STAU2: variants seen among roughly 807,000 people sequenced by gnomAD.
STAU2 encodes staufen double-stranded RNA binding protein 2, also known as double-stranded RNA-binding protein Staufen homolog 2.
A neutral mutation model predicts 65.9 loss-of-function variants in STAU2; 20 were observed. That is an observed-to-expected ratio of 0.30 (90% CI 0.21 to 0.44). The LOEUF is 0.44. Ranked by LOEUF, STAU2 falls within the 20% of genes least tolerant of loss-of-function variation. The probability of loss-of-function intolerance (pLI) is 1.00; values close to 1 mark genes in which losing one functional copy is unlikely to be tolerated. For missense variants in STAU2, 558 were observed against 683.9 expected, an observed-to-expected ratio of 0.82 and a Z score of 2.05; for synonymous variants, 232 against 233.9, an observed-to-expected ratio of 0.99 and a Z score of 0.07.
intron 13 of STAU2, among the ~76,000 whole-genome samples, chr8:73,542,863 G>T (rs1037816322): frequency 9.9e-5 from 15 of 152,100 alleles, no homozygotes; most frequent in Admixed American, 9.8e-4. Flanking sequence ...CATTAAAATA[G>T]AATCTGAAAG....
intron 5 of STAU2, among the ~76,000 whole-genome samples, chr8:73,683,439 C>T (rs1204965461): frequency 6.6e-6 from 1 of 152,046 alleles, no homozygotes; most frequent in East Asian, 1.9e-4. Flanking sequence ...TCAGCAAAAT[C>T]GGCATAGAAG....
chr8:73,574,940 A>G (rs902339320), intron 12 of STAU2, among the ~76,000 whole-genome samples: 1 of 151,578 alleles, frequency 6.6e-6, no homozygotes, highest in Non-Finnish European at 1.5e-5. Flanking sequence ...AAATAAAAAT[A>G]AAGAAATGTT....
At chr8:73,436,572 A>AT in intron 13 of STAU2, among the ~76,000 whole-genome samples, 1 of 145,618 alleles carries the variant, frequency 6.9e-6, no homozygotes, top group African/African-American at 2.6e-5. Context: ...CCAATTTTTT[A>AT]TTTATTTATT....
intron 10 of STAU2, among the ~76,000 whole-genome samples, chr8:73,601,127 A>G (rs1811602085): frequency 6.6e-6 from 1 of 152,258 alleles, no homozygotes; most frequent in South Asian, 2.1e-4. Context: ...CAGTAAATTT[A>G]AGACTGCCAA....
intron 9 of STAU2, among the ~76,000 whole-genome samples, chr8:73,611,583 T>C (rs375594912): frequency 4.9e-4 from 74 of 152,070 alleles, no homozygotes; most frequent in African/African-American, 1.8e-3. Flanking sequence ...TTAATAGCTA[T>C]AGTTAAAACA....
chr8:73,705,570 C>A, intron 4 of STAU2, among the ~76,000 whole-genome samples: 1 of 151,954 alleles, frequency 6.6e-6, no homozygotes. Context: ...TTGAGCAAAC[C>A]AAAACAATAA....
intron 12 of STAU2, among the ~76,000 whole-genome samples, chr8:73,566,047 T>C (rs368772639): frequency 3.9e-5 from 6 of 152,324 alleles, no homozygotes; most frequent in African/African-American, 1.2e-4. Flanking sequence ...CATTGGTAAA[T>C]GCACCAGACT....
rs75948812 is a variant in STAU2 at position 73,517,163 on chromosome 8, T to C, written c.1530+34849A>G. 2.6e-5 allele frequency among the ~76,000 whole-genome samples: 4 copies of C among 152,226 alleles called. No homozygotes were observed. The East Asian group carries it at 7.7e-4, about 29-fold the overall frequency. ...CAGGCATGATGGCTTATGCCTGTAA[T>C]CTCATCACTTTGGGAGCCTGAGGTG... On this transcript the variant is annotated intron_variant, in intron 13 of 14. Coordinates refer to ENST00000524300, the MANE Select transcript of STAU2 (RefSeq NM_001164380.2).
intron 13 of STAU2, among the ~76,000 whole-genome samples, chr8:73,483,865 T>C (rs530928793): frequency 1.3e-5 from 2 of 152,260 alleles, no homozygotes; most frequent in African/African-American, 4.8e-5. Context: ...GCATCTAACA[T>C]AGTGCTATAT....
At chr8:73,515,813 A>C in intron 13 of STAU2, among the ~76,000 whole-genome samples, 1 of 117,178 alleles carries the variant, frequency 8.5e-6, no homozygotes, top group Admixed American at 1.2e-4. Flanking sequence ...ACACGGTCTC[A>C]CTCTGTCACC....
At chr8:73,621,392 C>T (rs918076700) in intron 6 of STAU2, among the ~76,000 whole-genome samples, 1 of 152,184 alleles carries the variant, frequency 6.6e-6, no homozygotes, top group African/African-American at 2.4e-5. Flanking sequence ...TCAATTAAAC[C>T]TCTTTTCTTT....
chr8:73,725,124 A>G (rs551142971), intron 3 of STAU2, among the ~76,000 whole-genome samples: 1 of 152,344 alleles, frequency 6.6e-6, no homozygotes, highest in Non-Finnish European at 1.5e-5. Context: ...AATCTTTGCC[A>G]TTTAAATTGA....
At chr8:73,609,306 T>A (rs1812264296) in intron 9 of STAU2, among the ~76,000 whole-genome samples, 1 of 151,880 alleles carries the variant, frequency 6.6e-6, no homozygotes, top group Admixed American at 6.6e-5. Flanking sequence ...AAAGGAAACT[T>A]TTAGCTTTTG....
chr8:73,698,399 C>T (rs1431167006), intron 4 of STAU2, among the ~76,000 whole-genome samples: 1 of 151,978 alleles, frequency 6.6e-6, no homozygotes, highest in Admixed American at 6.6e-5. Flanking sequence ...ATCCAATGAT[C>T]TAAACACACC....
intron 12 of STAU2, among the ~76,000 whole-genome samples, chr8:73,554,913 C>G (rs917305646): frequency 5.9e-5 from 9 of 152,204 alleles, no homozygotes; most frequent in Non-Finnish European, 1.0e-4. Flanking sequence ...ATATCCAATA[C>G]TCCAGGCTGT....
chr8:73,424,199 G>GTTTTT (rs1434951406), intron 13 of STAU2, among the ~76,000 whole-genome samples: 1 of 115,404 alleles, frequency 8.7e-6, no homozygotes, highest in Admixed American at 1.0e-4. Flanking sequence ...GCTCCTCTAT[G>GTTTTT]TCTTTTTTTT....
At chr8:73,575,166 T>TA (rs1276300593) in intron 12 of STAU2, among the ~76,000 whole-genome samples, 3 of 149,730 alleles carry the variant, frequency 2.0e-5, no homozygotes, top group Middle Eastern at 3.2e-3. Context: ...CTAACCAATC[T>TA]AATGTCCAAA....
At chr8:73,474,167 A>G (rs1820192999) in intron 13 of STAU2, among the ~76,000 whole-genome samples, 1 of 152,162 alleles carries the variant, frequency 6.6e-6, no homozygotes, top group Admixed American at 6.5e-5. Context: ...AAAACAAAAA[A>G]ACCCACAAAA....
intron 6 of STAU2, among the ~76,000 whole-genome samples, chr8:73,649,278 G>A (rs1815638071): frequency 6.6e-6 from 1 of 152,026 alleles, no homozygotes; most frequent in Admixed American, 6.6e-5. Context: ...TCCAATAAGT[G>A]GCATTTTTCC....
Sources: gnomAD v4.1 joint callset for allele counts (sites outside exome capture counted in the v4.1 genomes callset) on GRCh38, gnomAD v4.1.1 for gene constraint, MANE v1.5 for transcripts, NCBI Gene and HGNC (gene_info 2026-07-23, HGNC 2026-07-21) for gene names.